TNIP3: variants seen among roughly 807,000 people sequenced by gnomAD.
TNIP3 encodes TNFAIP3 interacting protein 3.
TNIP3 carries 34 observed loss-of-function variants against 54.1 expected under a neutral mutation model. The ratio of observed to expected loss-of-function variants is 0.63; its 90% CI spans 0.48 to 0.84. The LOEUF (loss-of-function observed/expected upper bound fraction) is 0.84, where lower values mean the gene tolerates loss of function less well. Ranked by LOEUF, TNIP3 falls within the 40% of genes least tolerant of loss-of-function variation. The probability of loss-of-function intolerance (pLI) is 0.00; values close to 1 mark genes in which losing one functional copy is unlikely to be tolerated. For missense variants in TNIP3, 366 were observed against 387.6 expected (o/e 0.94, Z 0.47); for synonymous variants, 134 against 136.8 (o/e 0.98, Z 0.14).
At chr4:121,190,761 G>A (rs147214728) in intron 2 of TNIP3, among the ~76,000 whole-genome samples, 19 of 152,310 alleles carry the variant, frequency 1.2e-4, no homozygotes, top group African/African-American at 3.6e-4. Context: ...TAACCGAAGT[G>A]TTGAGCTCAA....
chr4:121,144,570 T>G (rs994385589), intron 7 of TNIP3, among the ~76,000 whole-genome samples: 3 of 152,100 alleles, frequency 2.0e-5, no homozygotes, highest in Admixed American at 6.5e-5. Context: ...CCCAGCTAAT[T>G]TTTGTGCTTT....
intron 2 of TNIP3, among the ~76,000 whole-genome samples, chr4:121,199,920 A>G: frequency 1.3e-5 from 2 of 152,200 alleles, no homozygotes; most frequent in East Asian, 3.9e-4. Flanking sequence ...TTGCCCAGCC[A>G]AGACACCTCG....
At chr4:121,141,199 T>C (rs922656543) in intron 9 of TNIP3, among the ~76,000 whole-genome samples, 1 of 152,190 alleles carries the variant, frequency 6.6e-6, no homozygotes, top group Non-Finnish European at 1.5e-5. Flanking sequence ...GGTGGAATAC[T>C]GCTATTGAGA....
intron 2 of TNIP3, among the ~76,000 whole-genome samples, chr4:121,185,248 T>C (rs1724950060): frequency 6.6e-6 from 1 of 152,230 alleles, no homozygotes; most frequent in African/African-American, 2.4e-5. Context: ...CGTCAAACTT[T>C]ATGGAACATG....
rs536328666 is a variant in TNIP3 at position 121,144,631 on chromosome 4, A to T, written c.736-1855T>A. On this transcript the variant is annotated intron_variant, in intron 7 of 10. Coordinates refer to ENST00000057513, the MANE Select transcript of TNIP3 (RefSeq NM_024873.6). ...TGGCCAGGCTGGTCTCAAACTCCTG[A>T]TCTCAGGTGATCTGCCCGCCTTGGC... 3.9e-5 allele frequency among the ~76,000 whole-genome samples: 6 copies of T among 152,268 alleles called. No homozygotes were observed. The East Asian group carries it at 1.2e-3, about 29-fold the overall frequency.
chr4:121,159,222 G>A (rs564060310), intron 2 of TNIP3, among the ~76,000 whole-genome samples: 26 of 151,928 alleles, frequency 1.7e-4, no homozygotes, highest in Non-Finnish European at 2.2e-4. Context: ...CATCCTGGGC[G>A]ACAGAGTGAG....
chr4:121,204,996 A>T (rs1190943476), intron 2 of TNIP3, among the ~76,000 whole-genome samples: 1 of 152,058 alleles, frequency 6.6e-6, no homozygotes, highest in African/African-American at 2.4e-5. Context: ...GTAATTGTTC[A>T]TTCTGGTTCT....
chr4:121,219,682 C>T (rs547855350), upstream of TNIP3, among the ~76,000 whole-genome samples: 1 of 152,202 alleles, frequency 6.6e-6, no homozygotes, highest in Non-Finnish European at 1.5e-5. Flanking sequence ...GTTTTACAGA[C>T]CTTGAAAATG....
chr4:121,201,496 A>G (rs1425755903), intron 2 of TNIP3, among the ~76,000 whole-genome samples: 1 of 152,240 alleles, frequency 6.6e-6, no homozygotes, highest in Non-Finnish European at 1.5e-5. Context: ...ATATGGTTCT[A>G]CAGCATGAGT....
Position 121,147,022 on chromosome 4 carries a change from C to A in TNIP3, c.735+27G>T, listed in dbSNP as rs1255612709. On this transcript the variant is annotated intron_variant, in intron 7 of 10. Coordinates refer to ENST00000057513, the MANE Select transcript of TNIP3 (RefSeq NM_024873.6). The stretch of plus-strand genomic sequence containing the variant: ...TGAAAAAAATATACATACATGCTGG[C>A]AAAGATTATTTTGTTTTGACTTGTA... 4 of 1,587,104 alleles carry A rather than the reference C, an allele frequency of 2.5e-6. No individual in the cohort carries two copies. The African/African-American group carries it at 5.5e-5, about 22-fold the overall frequency.
At chr4:121,183,627 C>T (rs1724841830) in intron 2 of TNIP3, among the ~76,000 whole-genome samples, 1 of 152,212 alleles carries the variant, frequency 6.6e-6, no homozygotes, top group Admixed American at 6.5e-5. Flanking sequence ...TCACATTACT[C>T]CCTGAGCTCC....
At chr4:121,190,459 C>G (rs1183629209) in intron 2 of TNIP3, among the ~76,000 whole-genome samples, 1 of 152,160 alleles carries the variant, frequency 6.6e-6, no homozygotes, top group Non-Finnish European at 1.5e-5. Context: ...TTAAAAAGTC[C>G]TGTGCAAGTT....
intron 8 of TNIP3, 27 bp downstream of exon 8, chr4:121,142,699 G>A (rs772091634): frequency 3.2e-6 from 5 of 1,586,944 alleles, no homozygotes; most frequent in Non-Finnish European, 1.7e-6. Flanking sequence ...GGGAATAAAT[G>A]TATGCGTGAA....
At chr4:121,213,136 G>A (rs969578413) in intron 2 of TNIP3, among the ~76,000 whole-genome samples, 3 of 152,156 alleles carry the variant, frequency 2.0e-5, no homozygotes, top group East Asian at 1.9e-4. Flanking sequence ...CATAAAGGAC[G>A]TTTGAATGAC....
chr4:121,196,603 C>G (rs919886112), intron 2 of TNIP3, among the ~76,000 whole-genome samples: 1 of 151,188 alleles, frequency 6.6e-6, no homozygotes, highest in Admixed American at 6.6e-5. Flanking sequence ...AAAGTATATA[C>G]AGCTTTGAAG....
intron 2 of TNIP3, among the ~76,000 whole-genome samples, chr4:121,207,456 T>G (rs902259906): frequency 4.6e-5 from 7 of 152,226 alleles, no homozygotes; most frequent in Non-Finnish European, 1.0e-4. Context: ...GTTAATGGAT[T>G]AGGCAATTAA....
intron 2 of TNIP3, among the ~76,000 whole-genome samples, chr4:121,186,319 G>A (rs763306994): frequency 5.3e-5 from 8 of 152,188 alleles, no homozygotes; most frequent in Non-Finnish European, 8.8e-5. Flanking sequence ...ATCCAGCTGG[G>A]AACTGAAAGC....
intron 2 of TNIP3, among the ~76,000 whole-genome samples, chr4:121,197,927 T>G (rs1229119443): frequency 2.6e-5 from 4 of 152,250 alleles, no homozygotes; most frequent in Non-Finnish European, 5.9e-5. Context: ...GTTTCTGTAA[T>G]GACGAATCTT....
At chr4:121,170,369 C>T (rs2148820755) in intron 3 of TNIP3, among the ~76,000 whole-genome samples, 1 of 152,252 alleles carries the variant, frequency 6.6e-6, no homozygotes, top group Non-Finnish European at 1.5e-5. Context: ...CTTTTCAGAA[C>T]ACAGTCCAGA....
Sources: allele counts gnomAD v4.1 joint callset (sites outside exome capture counted in the v4.1 genomes callset), GRCh38; gene constraint gnomAD v4.1.1; transcripts MANE v1.5; gene names NCBI Gene and HGNC (gene_info 2026-07-23, HGNC 2026-07-21).